The following CHD9 variants were observed in gnomAD, a reference collection of about 807,000 sequenced individuals.
CHD9 encodes the protein chromodomain helicase DNA binding protein 9, also known as ATP-dependent chromatin remodeler CHD9.
In CHD9, 77 loss-of-function variants were observed where a neutral mutation model predicts 316.1. That is an observed-to-expected ratio of 0.24 (90% CI 0.20 to 0.29). CHD9 has a LOEUF of 0.29. CHD9 is among the 10% of genes least tolerant of loss of function. The pLI is 1.00. For synonymous variants in CHD9, 1,129 were observed against 1,158.3 expected, an observed-to-expected ratio of 0.97 and a Z score of 0.51; for missense variants, 2,763 against 3,438.1, an observed-to-expected ratio of 0.80 and a Z score of 4.91.
At chr16:53,208,816 ATAT>A (rs1314263070) in intron 2 of CHD9, 1 of 541,328 alleles carries the variant, frequency 1.8e-6, no homozygotes, top group Non-Finnish European at 2.4e-6. Context: ...ATATTGCTAA[ATAT>A]TAATAATTTT....
intron 1 of CHD9, among the ~76,000 whole-genome samples, chr16:53,127,910 T>G (rs1055160762): frequency 1.7e-5 from 2 of 116,878 alleles, no homozygotes; most frequent in African/African-American, 6.9e-5. Context: ...TCCACTGCAC[T>G]CCAGCCTGGC....
intron 10 of CHD9, among the ~76,000 whole-genome samples, chr16:53,234,495 A>T (rs2048446742): frequency 6.6e-6 from 1 of 152,196 alleles, no homozygotes. Flanking sequence ...AGTTTAAGGA[A>T]GTTCCCTTCT....
intron 9 of CHD9, 53 bp from the exon 10 acceptor site, chr16:53,231,594 T>C: frequency 2.1e-6 from 3 of 1,413,382 alleles, no homozygotes; most frequent in Admixed American, 2.2e-5. Context: ...CTGTTTAAAC[T>C]ATTTCTTACT....
intron 31 of CHD9, among the ~76,000 whole-genome samples, chr16:53,304,973 C>T (rs1474948605): frequency 6.6e-6 from 1 of 151,992 alleles, no homozygotes; most frequent in Admixed American, 6.6e-5. Flanking sequence ...AGATTACAGG[C>T]ATGAGCCACC....
chr16:53,300,980 C>T (rs1044574979), intron 30 of CHD9, among the ~76,000 whole-genome samples: 4 of 151,882 alleles, frequency 2.6e-5, no homozygotes, highest in Non-Finnish European at 5.9e-5. Context: ...GGTCGAGGCA[C>T]GAGAATCACT....
intron 11 of CHD9, among the ~76,000 whole-genome samples, chr16:53,236,028 A>G (rs889814878): frequency 6.6e-6 from 1 of 152,156 alleles, no homozygotes; most frequent in African/African-American, 2.4e-5. Context: ...TGTTATGCTT[A>G]GTGATGGTGA....
intron 1 of CHD9, among the ~76,000 whole-genome samples, chr16:53,142,241 C>T (rs1480250924): frequency 1.3e-5 from 2 of 152,042 alleles, no homozygotes; most frequent in Non-Finnish European, 2.9e-5. Context: ...TTTTTGAGTA[C>T]TTACTATGTT....
chr16:53,140,249 G>A lies in CHD9; in HGVS notation c.-164-15677G>A, dbSNP rs2040004814. Among the ~76,000 whole-genome samples, 6 of 152,042 alleles carry A rather than the reference G, an allele frequency of 3.9e-5. No individual in the cohort carries two copies. The South Asian group carries it at 1.2e-3, about 32-fold the overall frequency. ...AGGTGGGTGGATCACTTGAGGCCAG[G>A]AGTTCGAGACCAGCCTGGCCAACAT... On this transcript the variant is annotated intron_variant, in intron 1 of 38. Transcript: ENST00000447540.
intron 22 of CHD9, among the ~76,000 whole-genome samples, chr16:53,269,546 G>A (rs1049013960): frequency 6.6e-6 from 1 of 152,186 alleles, no homozygotes; most frequent in African/African-American, 2.4e-5. Flanking sequence ...TTTAGATAGG[G>A]TGGTCAGTGT....
intron 13 of CHD9, among the ~76,000 whole-genome samples, chr16:53,244,345 A>T (rs2049375013): frequency 6.6e-6 from 1 of 151,910 alleles, no homozygotes; most frequent in South Asian, 2.1e-4. Flanking sequence ...GGTGCCCACC[A>T]CCACGCCCGG....
intron 27 of CHD9, among the ~76,000 whole-genome samples, chr16:53,289,865 TA>T (rs1367000882): frequency 1.3e-5 from 2 of 152,054 alleles, no homozygotes; most frequent in African/African-American, 4.8e-5. Flanking sequence ...ATCTGCCCTG[TA>T]AGGTTGCCAA....
chr16:53,082,286 G>A (rs2035098255), intron 1 of CHD9, among the ~76,000 whole-genome samples: 1 of 150,682 alleles, frequency 6.6e-6, no homozygotes, highest in Non-Finnish European at 1.5e-5. Context: ...CATCCATGCT[G>A]GAGTGCAGTG....
At chr16:53,104,728 C>G (rs1199285161) in intron 1 of CHD9, among the ~76,000 whole-genome samples, 1 of 150,978 alleles carries the variant, frequency 6.6e-6, no homozygotes, top group Non-Finnish European at 1.5e-5. Context: ...AGGAGAATTG[C>G]TTGAACCCAG....
chr16:53,317,407 C>G (rs1268426379), intron 36 of CHD9, among the ~76,000 whole-genome samples: 5 of 152,038 alleles, frequency 3.3e-5, no homozygotes, highest in Non-Finnish European at 5.9e-5. Context: ...ACATTAAGCC[C>G]TGTTTTGTTA....
intron 2 of CHD9, among the ~76,000 whole-genome samples, chr16:53,179,091 A>G (rs1477404722): frequency 6.6e-6 from 1 of 152,216 alleles, no homozygotes; most frequent in East Asian, 1.9e-4. Flanking sequence ...GTCAATAGTT[A>G]AGATTTTGCC....
intron 1 of CHD9, among the ~76,000 whole-genome samples, chr16:53,118,040 GGC>G: frequency 6.6e-6 from 1 of 151,552 alleles, no homozygotes; most frequent in South Asian, 2.1e-4. Flanking sequence ...TGTTAGCCAG[GGC>G]AGTTTCGATC....
At position 53,231,418 on chromosome 16, in the gene CHD9, G is replaced by A; in HGVS notation, c.2287-1G>A. Reference sequence around the variant, plus strand: ...TCAATTAAGTTACCTTTTAATTTTAGATGGAAGAAGAACCATTTAACCCAG... The same window carrying A: ...TCAATTAAGTTACCTTTTAATTTTAAATGGAAGAAGAACCATTTAACCCAG... On this transcript the variant is annotated splice_acceptor_variant, in intron 8 of 38. Coordinates refer to ENST00000447540, the MANE Select transcript of CHD9 (RefSeq NM_001308319.2). LOFTEE classifies it high-confidence loss of function. The A allele has an allele frequency of 6.4e-7, 1 of 1,550,942 alleles. No individual in the cohort carries two copies. Among genetic ancestry groups the A allele is most frequent in the Non-Finnish European group, 8.8e-7 (1 of 1,132,822 alleles).
chr16:53,064,376 C>T (rs1019934905), intron 1 of CHD9, among the ~76,000 whole-genome samples: 5 of 152,088 alleles, frequency 3.3e-5, no homozygotes, highest in East Asian at 1.9e-4. Context: ...ATTTTGTTGT[C>T]GTAGCACTTT....
intron 1 of CHD9, among the ~76,000 whole-genome samples, chr16:53,083,032 C>G (rs2035166649): frequency 6.6e-6 from 1 of 152,166 alleles, no homozygotes; most frequent in Non-Finnish European, 1.5e-5. Context: ...TGGTACATAT[C>G]ACAGTGCCAG....
Sources: gnomAD v4.1 joint callset for allele counts (sites outside exome capture counted in the v4.1 genomes callset) on GRCh38, gnomAD v4.1.1 for gene constraint, MANE v1.5 for transcripts, NCBI Gene and HGNC (gene_info 2026-07-23, HGNC 2026-07-21) for gene names.